The following COL22A1 variants were observed in gnomAD, a reference collection of about 807,000 sequenced individuals.
COL22A1 encodes the protein collagen type XXII alpha 1 chain, also known as collagen alpha-1(XXII) chain.
In COL22A1, 221 loss-of-function variants were observed where a neutral mutation model predicts 248.9. The observed-to-expected ratio is 0.89, with a 90% CI of 0.80 to 0.99. The LOEUF is 0.99. Among genes scored for constraint, COL22A1 ranks in the 50% least tolerant of loss-of-function variants. COL22A1 has a pLI of 0.00. For missense variants in COL22A1, 2,240 were observed against 2,179.0 expected (o/e 1.03, Z -0.56); for synonymous variants, 891 against 793.4 (o/e 1.12, Z -2.07).
chr8:138,762,433 G>C lies in COL22A1; in HGVS notation c.1837C>G (p.Pro613Ala), dbSNP rs565575065. The C allele has an allele frequency of 8.7e-6, 14 of 1,613,960 alleles. No homozygotes were observed. In the Admixed American group the frequency reaches 1.7e-4, roughly 19 times the overall value. The change falls in exon 17 of 65, where the codon CCT (proline) becomes GCT (alanine). Residue 613 changes from proline to alanine, a missense_variant. By Grantham distance (27) the Pro-to-Ala change is conservative (BLOSUM62 -1). Transcript: ENST00000303045. ...CCTACCTGCTGTCCTGTGTCCCCAG[G>C]CTTCCCAGGGAATCCATCCAGGCCT... The part of the protein sequence containing the change: ...ERGLDGFPGK[P>A]GDTGQQGRPG...
chr8:138,675,950 A>T (rs1302300493), intron 41 of COL22A1, among the ~76,000 whole-genome samples: 1 of 152,198 alleles, frequency 6.6e-6, no homozygotes, highest in Non-Finnish European at 1.5e-5. Flanking sequence ...TTCTAGAGGC[A>T]TTCAGGTGGA....
chr8:138,595,374 A>T (rs1408722667), intron 62 of COL22A1, among the ~76,000 whole-genome samples: 1 of 152,164 alleles, frequency 6.6e-6, no homozygotes, highest in Admixed American at 6.5e-5. Flanking sequence ...TTCTCTATCC[A>T]AACCATTTTG....
chr8:138,693,870 T>C (rs1827280273), intron 34 of COL22A1, among the ~76,000 whole-genome samples, 171 bp from the exon 35 acceptor site: 1 of 152,184 alleles, frequency 6.6e-6, no homozygotes, highest in Non-Finnish European at 1.5e-5. Flanking sequence ...TCTGGCCCTC[T>C]GTTGGAGATG....
chr8:138,602,190 C>A, intron 59 of COL22A1, 31 bp from the exon 60 acceptor site: 1 of 1,612,740 alleles, frequency 6.2e-7, no homozygotes, highest in South Asian at 1.1e-5. Context: ...CAGTCATTGC[C>A]CCGGGCCCTC....
intron 50 of COL22A1, among the ~76,000 whole-genome samples, chr8:138,630,312 G>C (rs1056136009): frequency 6.6e-6 from 1 of 152,104 alleles, no homozygotes; most frequent in African/African-American, 2.4e-5. Flanking sequence ...CATTCCCCTG[G>C]TGCACACCAT....
intron 7 of COL22A1, among the ~76,000 whole-genome samples, chr8:138,814,345 C>T (rs1230944015): frequency 6.6e-6 from 1 of 152,194 alleles, no homozygotes; most frequent in Non-Finnish European, 1.5e-5. Flanking sequence ...AACTTAATTC[C>T]CCTCCCCTGG....
At chr8:138,644,891 C>T (rs556127165) in intron 47 of COL22A1, among the ~76,000 whole-genome samples, 5 of 152,114 alleles carry the variant, frequency 3.3e-5, no homozygotes, top group East Asian at 1.9e-4. Flanking sequence ...GCCTGTGGGA[C>T]GGACGGCCCG....
intron 9 of COL22A1, among the ~76,000 whole-genome samples, chr8:138,809,528 C>CTTTTTTTTCTTTTTTTTTT (rs1818018034): frequency 1.7e-5 from 2 of 117,672 alleles, no homozygotes; most frequent in African/African-American, 3.3e-5. Flanking sequence ...TTTTCTTTTT[C>CTTTTTTTTCTTTTTTTTTT]TTTTTTTTTT....
chr8:138,605,189 C>G (rs899867024), intron 58 of COL22A1, among the ~76,000 whole-genome samples: 2 of 152,204 alleles, frequency 1.3e-5, no homozygotes, highest in African/African-American at 4.8e-5. Flanking sequence ...AAACAACCTC[C>G]CTACAACTTC....
At chr8:138,902,739 T>TATATATATACACAC (rs763466994) in intron 1 of COL22A1, among the ~76,000 whole-genome samples, 23 of 93,882 alleles carry the variant, frequency 2.4e-4, no homozygotes, top group African/African-American at 9.5e-4. Flanking sequence ...TATATATATA[T>TATATATATACACAC]ACACACACAC....
At chr8:138,777,564 T>G (rs1472520284) in intron 15 of COL22A1, among the ~76,000 whole-genome samples, 1 of 152,174 alleles carries the variant, frequency 6.6e-6, no homozygotes, top group East Asian at 1.9e-4. Flanking sequence ...TTCCTCTCCC[T>G]GTGTCCATGT....
At position 138,704,032 on chromosome 8, in the gene COL22A1, G is replaced by C. The variant is rs926137689; in HGVS notation, c.2518-685C>G. On this transcript the variant is annotated intron_variant, in intron 30 of 64. Transcript: ENST00000303045. ...CCACAGAGCCTCACTCACTGCTAGCGCAGCAGTCTGAGATCAAACTGCAAG... is the reference window on the plus strand; with the variant it reads ...CCACAGAGCCTCACTCACTGCTAGCCCAGCAGTCTGAGATCAAACTGCAAG... Among the ~76,000 whole-genome samples, 3 of 152,210 alleles carry C rather than the reference G, an allele frequency of 2.0e-5. No individual in the cohort carries two copies. In the East Asian group the frequency reaches 5.8e-4, roughly 29 times the overall value.
intron 37 of COL22A1, among the ~76,000 whole-genome samples, chr8:138,687,779 G>T (rs77779829): frequency 6.6e-6 from 1 of 152,156 alleles, no homozygotes; most frequent in Admixed American, 6.5e-5. Context: ...TTTAGATCAG[G>T]GTTTCTCAAC....
At position 138,902,733 on chromosome 8, in the gene COL22A1, T is replaced by TATATA. The variant is rs200386911; in HGVS notation, c.-73+10881_-73+10885dup. ...AAAAAAAAAAATTTATAAATATATA[T>TATATA]ATATATACACACACACACACACACA... On this transcript the variant is annotated intron_variant, in intron 1 of 64. Coordinates refer to ENST00000303045, the MANE Select transcript of COL22A1 (RefSeq NM_152888.3). 3.0e-3 allele frequency among the ~76,000 whole-genome samples: 276 copies of TATATA among 91,590 alleles called. 3 individuals carry two copies. Among genetic ancestry groups the TATATA allele is most frequent in the African/African-American group, 0.011 (251 of 23,666 alleles). 60.1% of individuals were successfully genotyped at this position (91,590 alleles called of 152,430 possible). A position where few individuals can be genotyped will look rare whatever the true frequency, so the allele number is the denominator to read the frequency against.
chr8:138,593,954 G>C, intron 63 of COL22A1, 63 bp downstream of exon 63: 1 of 1,319,330 alleles, frequency 7.6e-7, no homozygotes, highest in South Asian at 1.6e-5. Context: ...CCACCTCCCA[G>C]CCCTGTTCCT....
intron 1 of COL22A1, among the ~76,000 whole-genome samples, chr8:138,886,651 A>G (rs1052932753): frequency 5.3e-5 from 8 of 152,236 alleles, no homozygotes; most frequent in Non-Finnish European, 8.8e-5. Context: ...TTAAGTGCCT[A>G]TTACTAATAG....
At position 138,649,650 on chromosome 8, in the gene COL22A1, C is replaced by T. The variant is rs1260969987; in HGVS notation, c.3447+15G>A. On this transcript the variant is annotated intron_variant, in intron 46 of 64. Transcript: ENST00000303045. Reference sequence around the variant, plus strand: ...ATTGTAATGATAAAAATCGAGTTTCCCCTTTTCTCCTTACCTTTTTCCCTT... The same window carrying T: ...ATTGTAATGATAAAAATCGAGTTTCTCCTTTTCTCCTTACCTTTTTCCCTT... 6.2e-7 allele frequency: 1 copy of T among 1,608,024 alleles called. No homozygotes were observed. Among genetic ancestry groups the T allele is most frequent in the Non-Finnish European group, 8.5e-7 (1 of 1,176,920 alleles).
intron 9 of COL22A1, among the ~76,000 whole-genome samples, chr8:138,809,225 C>T (rs1182775259): frequency 2.0e-5 from 3 of 152,202 alleles, no homozygotes; most frequent in African/African-American, 7.2e-5. Context: ...CTCTAGCAGG[C>T]CTGCTGTGAG....
chr8:138,637,371 C>T (rs1040397528), intron 47 of COL22A1, among the ~76,000 whole-genome samples: 2 of 152,142 alleles, frequency 1.3e-5, no homozygotes, highest in Non-Finnish European at 2.9e-5. Context: ...AAGAATTTAT[C>T]CATACATAAG....
Sources: gnomAD v4.1 joint callset for allele counts (sites outside exome capture counted in the v4.1 genomes callset) on GRCh38, gnomAD v4.1.1 for gene constraint, MANE v1.5 for transcripts, NCBI Gene and HGNC (gene_info 2026-07-23, HGNC 2026-07-21) for gene names.